The following COL8A2 variants were observed in gnomAD, a reference collection of about 807,000 sequenced individuals.
COL8A2 encodes the protein collagen alpha-2(VIII) chain.
A neutral mutation model predicts 24.0 loss-of-function variants in COL8A2; 16 were observed. The observed-to-expected ratio is 0.67, with a 90% CI of 0.45 to 1.01. The LOEUF is 1.01. Ranked by LOEUF, COL8A2 falls within the 50% of genes least tolerant of loss-of-function variation. The probability of loss-of-function intolerance (pLI) is 0.00; values close to 1 mark genes in which losing one functional copy is unlikely to be tolerated. For synonymous variants in COL8A2, 466 were observed against 424.5 expected (o/e 1.10, Z -1.20); for missense variants, 818 against 942.4 (o/e 0.87, Z 1.73).
chr1:36,108,217 T>C (rs1643788843), intron 2 of COL8A2, among the ~76,000 whole-genome samples: 1 of 152,178 alleles, frequency 6.6e-6, no homozygotes, highest in Middle Eastern at 3.2e-3. Context: ...GCCTCAATCA[T>C]AGGACCTCAA....
At chr1:36,119,104 A>G (rs1406559611) in intron 1 of COL8A2, among the ~76,000 whole-genome samples, 1 of 152,202 alleles carries the variant, frequency 6.6e-6, no homozygotes, top group Non-Finnish European at 1.5e-5. Flanking sequence ...CAGAGAGGTC[A>G]CATCCATTCT....
In COL8A2 at chr1:36,098,898, G is replaced by T; in HGVS notation, c.783C>A (p.Gly261=). Residue 261 remains glycine (G), a synonymous_variant, in exon 4 of 4, where the codon GGC becomes GGA. Transcript: ENST00000397799. ...KGESGPPGVP[G]PRGEPGAVGP... is the part of the protein sequence containing the mutation. Reference sequence around the variant, plus strand: ...CCACAGCTCCTGGCTCCCCCCTGGGGCCTGGAACTCCAGGAGGCCCAGACT... The same window carrying T: ...CCACAGCTCCTGGCTCCCCCCTGGGTCCTGGAACTCCAGGAGGCCCAGACT... 6.2e-7 allele frequency: 1 copy of T among 1,611,686 alleles called. No homozygotes were observed. The highest frequency in any genetic ancestry group is 8.5e-7 in the Non-Finnish European group (1 of 1,179,414).
chr1:36,096,404 C>T lies in COL8A2; in HGVS notation c.*1165G>A, dbSNP rs1421782816. 6.6e-6 allele frequency: 1 copy of T among 152,402 alleles called. No homozygotes were observed. Among genetic ancestry groups the T allele is most frequent in the Non-Finnish European group, 1.5e-5 (1 of 68,196 alleles). The allele number at this position is 152,402 out of a possible 1,614,324, so 9.4% of individuals were successfully genotyped here. On this transcript the variant is annotated 3_prime_UTR_variant, in exon 4 of 4. Coordinates refer to ENST00000397799, the MANE Select transcript of COL8A2 (RefSeq NM_005202.4). ...TCTCCCAGCCTTAGCCTCCTGGGCC[C>T]TAGTCCTGCTTAGAACAGGAAATTG...
intron 2 of COL8A2, among the ~76,000 whole-genome samples, chr1:36,105,674 A>G (rs960274422): frequency 1.3e-5 from 2 of 152,198 alleles, no homozygotes; most frequent in Non-Finnish European, 2.9e-5. Flanking sequence ...CTGGCCAGGC[A>G]TGGTGGCTCA....
At chr1:36,106,024 A>C (rs1643755744) in intron 2 of COL8A2, among the ~76,000 whole-genome samples, 1 of 151,428 alleles carries the variant, frequency 6.6e-6, no homozygotes, top group Admixed American at 6.6e-5. Context: ...TAATCCCAGC[A>C]TTTTGGGAGG....
intron 2 of COL8A2, among the ~76,000 whole-genome samples, chr1:36,109,533 C>G (rs1015317282): frequency 6.6e-6 from 1 of 151,988 alleles, no homozygotes; most frequent in Non-Finnish European, 1.5e-5. Context: ...GTGTCCTCAT[C>G]TGCAAAAGGA....
intron 2 of COL8A2, among the ~76,000 whole-genome samples, chr1:36,104,414 C>A (rs1643725049): frequency 6.6e-6 from 1 of 151,966 alleles, no homozygotes; most frequent in Non-Finnish European, 1.5e-5. Flanking sequence ...ATCGCTTGAA[C>A]CAGAGAGGCG....
Position 36,096,608 on chromosome 1 carries a change from G to C in COL8A2, c.*961C>G, listed in dbSNP as rs1643569423. 1 of 152,200 alleles carries C rather than the reference G, an allele frequency of 6.6e-6. No homozygotes were observed. The allele number at this position is 152,200 out of a possible 1,614,324, so 9.4% of individuals were successfully genotyped here. ...TGCTCTGCCTTGGGGATACCTGGCT[G>C]GGGTGACAAGGATCCTCTTACAATT... On this transcript the variant is annotated 3_prime_UTR_variant, in exon 4 of 4. Transcript: ENST00000397799.
intron 2 of COL8A2, among the ~76,000 whole-genome samples, chr1:36,114,045 G>A (rs986148484): frequency 6.6e-6 from 1 of 152,098 alleles, no homozygotes; most frequent in Non-Finnish European, 1.5e-5. Flanking sequence ...GTGGCTGGGC[G>A]CGGTGGCTCA....
At chr1:36,108,357 C>A (rs1403771795) in intron 2 of COL8A2, among the ~76,000 whole-genome samples, 1 of 152,222 alleles carries the variant, frequency 6.6e-6, no homozygotes, top group Non-Finnish European at 1.5e-5. Context: ...CCCTGAGGCT[C>A]AAGCCTGGCT....
rs192909015 is a variant in COL8A2, at chr1:36,110,130, C to G, written c.-17+5578G>C. Among the ~76,000 whole-genome samples, 167 of 151,808 alleles carry G rather than the reference C, an allele frequency of 1.1e-3. 1 individual carries two copies. The highest frequency in any genetic ancestry group is 3.9e-3 in the African/African-American group (160 of 41,380). On this transcript the variant is annotated intron_variant, in intron 2 of 3. Transcript: ENST00000397799. ...TGTATTTTTAGTAGAGAGGGAGTTT[C>G]ACCATGTTAGCCAGGATTGTCTCGA...
chr1:36,113,412 T>A (rs576475269), intron 2 of COL8A2, among the ~76,000 whole-genome samples: 2 of 152,374 alleles, frequency 1.3e-5, no homozygotes, highest in East Asian at 1.9e-4. Context: ...TCTCTAGCTG[T>A]TGGTCATTGG....
At chr1:36,118,757 T>G (rs543099607) in intron 1 of COL8A2, among the ~76,000 whole-genome samples, 19 of 149,062 alleles carry the variant, frequency 1.3e-4, no homozygotes, top group Admixed American at 2.7e-4. Flanking sequence ...CGCTTCCCCA[T>G]TCCAACTTTC....
rs544213599 is a variant in COL8A2 at position 36,109,252 on chromosome 1, C to T, written c.-17+6456G>A. On this transcript the variant is annotated intron_variant, in intron 2 of 3. Coordinates refer to ENST00000397799, the MANE Select transcript of COL8A2 (RefSeq NM_005202.4). ...CGGCTGCCCTGCTTGCTCACCCGCC[C>T]CGCGCTGCTCTCTCCTTGCTCCCCA... Among the ~76,000 whole-genome samples the T allele has an allele frequency of 2.0e-5, 3 of 152,352 alleles. No individual in the cohort carries two copies. In the South Asian group the frequency reaches 6.2e-4, roughly 32 times the overall value.
rs770962658 is a variant in COL8A2, at chr1:36,098,067, C to T, written c.1614G>A (p.Glu538=). ...GPPGAPGAFD[E]TGIAGLHLPN... is the part of the protein sequence containing the mutation. ...GCAGGTGCAAGCCTGCGATGCCAGTCTCATCGAAGGCCCCAGGGGCACCAG... is the reference window on the plus strand; with the variant it reads ...GCAGGTGCAAGCCTGCGATGCCAGTTTCATCGAAGGCCCCAGGGGCACCAG... Residue 538 remains glutamate, a synonymous_variant, in exon 4 of 4, where the codon GAG becomes GAA. Coordinates refer to ENST00000397799, the MANE Select transcript of COL8A2 (RefSeq NM_005202.4). The T allele has an allele frequency of 6.3e-7, 1 of 1,575,602 alleles. No homozygotes were observed. The highest frequency in any genetic ancestry group is 8.6e-7 in the Non-Finnish European group (1 of 1,165,360).
chr1:36,121,590 C>T, intron 1 of COL8A2, among the ~76,000 whole-genome samples: 1 of 150,840 alleles, frequency 6.6e-6, no homozygotes, highest in African/African-American at 2.4e-5. Flanking sequence ...CGCCTATAAT[C>T]CCAGGTACTT....
Position 36,099,301 on chromosome 1 carries a change from G to T in COL8A2, c.380C>A (p.Pro127His). The T allele has an allele frequency of 5.1e-6, 8 of 1,570,718 alleles. No homozygotes were observed. Among genetic ancestry groups the T allele is most frequent in the Non-Finnish European group, 6.0e-6 (7 of 1,159,382 alleles). ...PGFSRMGKAG[P>H]PGLPGKVGPP... ...CCCGACCTTGCCAGGGAGCCCTGGG[G>T]GACCAGCCTTGCCCATCCGGGAGAA... The change falls in exon 4 of 4, where the codon CCC becomes CAC. Residue 127 changes from proline (P) to histidine (H), a missense_variant. Physicochemically the swap from Pro to His is moderately conservative, Grantham distance 77 (BLOSUM62 -2). Transcript: ENST00000397799.
At chr1:36,121,962 C>T (rs563445149) in intron 1 of COL8A2, among the ~76,000 whole-genome samples, 47 of 152,280 alleles carry the variant, frequency 3.1e-4, no homozygotes, top group Non-Finnish European at 4.9e-4. Context: ...CCTCCGCCAC[C>T]CCCACATGTG....
chr1:36,110,454 G>T (rs1372137863), intron 2 of COL8A2, among the ~76,000 whole-genome samples: 3 of 151,976 alleles, frequency 2.0e-5, no homozygotes, highest in Non-Finnish European at 2.9e-5. Flanking sequence ...CCAAAGGTCA[G>T]GATCTTGTAA....
Sources: gnomAD v4.1 joint callset for allele counts (sites outside exome capture counted in the v4.1 genomes callset) on GRCh38, gnomAD v4.1.1 for gene constraint, MANE v1.5 for transcripts, NCBI Gene and HGNC (gene_info 2026-07-23, HGNC 2026-07-21) for gene names.